The following VOPP1 variants were observed in gnomAD, a reference collection of about 807,000 sequenced individuals.
VOPP1 encodes VOPP1 WW domain binding protein, also known as WW domain binding protein VOPP1.
A neutral mutation model predicts 23.5 loss-of-function variants in VOPP1; 8 were observed. The observed-to-expected ratio is 0.34, with a 90% CI of 0.20 to 0.61. VOPP1 has a LOEUF of 0.61. Among genes scored for constraint, VOPP1 ranks in the 20% least tolerant of loss-of-function variants. VOPP1 has a pLI of 0.78. For missense variants in VOPP1, 174 were observed against 238.1 expected (o/e 0.73, Z 1.77); for synonymous variants, 83 against 97.3 (o/e 0.85, Z 0.86).
intron 4 of VOPP1, among the ~76,000 whole-genome samples, chr7:55,463,718 G>C (rs1791564451): frequency 6.6e-6 from 1 of 152,188 alleles, no homozygotes; most frequent in Admixed American, 6.5e-5. Context: ...CCAGCAGTGT[G>C]CATGACCTGC....
intron 1 of VOPP1, chr7:55,562,127 G>C: frequency 1.4e-6 from 1 of 699,696 alleles, no homozygotes. Flanking sequence ...CTAATGTACA[G>C]CCAACGCTGA....
At chr7:55,505,227 G>A (rs1794630858) in intron 2 of VOPP1, among the ~76,000 whole-genome samples, 1 of 152,184 alleles carries the variant, frequency 6.6e-6, no homozygotes, top group South Asian at 2.1e-4. Context: ...ACATGACTTA[G>A]AATGGCCACG....
chr7:55,451,020 A>G (rs953145082), intron 4 of VOPP1, among the ~76,000 whole-genome samples: 4 of 152,216 alleles, frequency 2.6e-5, no homozygotes, highest in African/African-American at 9.6e-5. Context: ...TTTTTTTGTA[A>G]AAGTGAAGCC....
At chr7:55,481,766 C>T (rs931782609) in intron 4 of VOPP1, among the ~76,000 whole-genome samples, 1 of 152,136 alleles carries the variant, frequency 6.6e-6, no homozygotes. Context: ...GCAGGGGACA[C>T]GAAGGAAGTA....
intron 4 of VOPP1, among the ~76,000 whole-genome samples, chr7:55,436,659 CGT>C (rs1416460504): frequency 5.5e-5 from 8 of 145,726 alleles, no homozygotes; most frequent in African/African-American, 1.0e-4. Context: ...GGTGTGTGTG[CGT>C]GTGTGCGTGC....
intron 1 of VOPP1, among the ~76,000 whole-genome samples, chr7:55,556,893 C>T (rs1294268068): frequency 6.6e-6 from 1 of 152,016 alleles, no homozygotes; most frequent in Non-Finnish European, 1.5e-5. Context: ...ACTATTACAC[C>T]CTCTGTTAAG....
chr7:55,435,868 A>C (rs1790810165), downstream of VOPP1, among the ~76,000 whole-genome samples: 1 of 152,172 alleles, frequency 6.6e-6, no homozygotes, highest in African/African-American at 2.4e-5. Flanking sequence ...CTGTGAGTGG[A>C]ATGATGAAAA....
intron 1 of VOPP1, among the ~76,000 whole-genome samples, chr7:55,536,444 G>T (rs972939025): frequency 2.6e-5 from 4 of 152,102 alleles, no homozygotes; most frequent in Admixed American, 2.6e-4. Flanking sequence ...CAGGGGAATT[G>T]CTTGAACCCT....
intron 4 of VOPP1, among the ~76,000 whole-genome samples, chr7:55,477,955 A>G (rs553081718): frequency 3.9e-5 from 6 of 152,330 alleles, no homozygotes; most frequent in African/African-American, 1.4e-4. Context: ...CAGAGGCCGC[A>G]CCCACCCAGA....
chr7:55,454,920 A>G (rs1288810212), intron 4 of VOPP1, among the ~76,000 whole-genome samples: 2 of 152,242 alleles, frequency 1.3e-5, no homozygotes, highest in Non-Finnish European at 2.9e-5. Context: ...CATCACTCCT[A>G]TTCAACACAG....
At chr7:55,446,956 T>C (rs1791114909) in intron 4 of VOPP1, among the ~76,000 whole-genome samples, 2 of 152,242 alleles carry the variant, frequency 1.3e-5, no homozygotes, top group African/African-American at 4.8e-5. Flanking sequence ...TTTCCCTCTT[T>C]GTCACAGGAT....
At chr7:55,550,517 C>CTATTT (rs1465635797) in intron 1 of VOPP1, among the ~76,000 whole-genome samples, 1 of 152,160 alleles carries the variant, frequency 6.6e-6, no homozygotes. Context: ...TCAGTAAGCT[C>CTATTT]CGGTCTAGGC....
chr7:55,554,512 G>T (rs895637926), intron 1 of VOPP1, among the ~76,000 whole-genome samples: 1 of 152,256 alleles, frequency 6.6e-6, no homozygotes, highest in Non-Finnish European at 1.5e-5. Flanking sequence ...ACTGAGTCAG[G>T]AATAGAGAAA....
chr7:55,546,082 A>C (rs1457245219), intron 1 of VOPP1, among the ~76,000 whole-genome samples: 1 of 152,168 alleles, frequency 6.6e-6, no homozygotes, highest in Non-Finnish European at 1.5e-5. Context: ...AAAAAAATAA[A>C]ATAAAGAAAA....
intron 2 of VOPP1, among the ~76,000 whole-genome samples, chr7:55,504,399 A>AC (rs1794572831): frequency 1.3e-5 from 2 of 152,120 alleles, no homozygotes; most frequent in Non-Finnish European, 2.9e-5. Flanking sequence ...TAAACACAGA[A>AC]CCCTATAAAG....
chr7:55,533,713 C>T (rs1796620153), intron 1 of VOPP1, among the ~76,000 whole-genome samples: 1 of 152,190 alleles, frequency 6.6e-6, no homozygotes, highest in African/African-American at 2.4e-5. Flanking sequence ...GCAAGGGAGG[C>T]TGAATGTAGA....
At chr7:55,490,506 CAT>C (rs1376736781) in intron 4 of VOPP1, among the ~76,000 whole-genome samples, 1 of 152,196 alleles carries the variant, frequency 6.6e-6, no homozygotes, top group Non-Finnish European at 1.5e-5. Context: ...CCCCAGTTCA[CAT>C]GAGTGGTAGA....
At chr7:55,463,735 G>A (rs1326626959) in intron 4 of VOPP1, among the ~76,000 whole-genome samples, 1 of 152,194 alleles carries the variant, frequency 6.6e-6, no homozygotes, top group Non-Finnish European at 1.5e-5. Flanking sequence ...CTGCTCAGTG[G>A]GTGGGGTGGA....
intron 1 of VOPP1, among the ~76,000 whole-genome samples, chr7:55,529,221 T>C (rs1464857823): frequency 6.6e-6 from 1 of 151,998 alleles, no homozygotes; most frequent in African/African-American, 2.4e-5. Flanking sequence ...CTACTAAAAA[T>C]GGGCGTGGTG....
Sources: allele counts gnomAD v4.1 joint callset (sites outside exome capture counted in the v4.1 genomes callset), GRCh38; gene constraint gnomAD v4.1.1; transcripts MANE v1.5; gene names NCBI Gene and HGNC (gene_info 2026-07-23, HGNC 2026-07-21).